Variants in ADGRL2 observed in about 807,000 individuals in gnomAD.
The protein encoded by ADGRL2 is calcium-independent alpha-latrotoxin receptor 2.
A neutral mutation model predicts 157.4 loss-of-function variants in ADGRL2; 44 were observed. The observed-to-expected ratio is 0.28, with a 90% confidence interval of 0.22 to 0.36. ADGRL2 has a LOEUF of 0.36. Among genes scored for constraint, ADGRL2 ranks in the 10% least tolerant of loss-of-function variants. The probability of loss-of-function intolerance (pLI) is 1.00; values close to 1 mark genes in which losing one functional copy is unlikely to be tolerated. For synonymous variants in ADGRL2, 585 were observed against 624.7 expected (o/e 0.94, Z 0.95); for missense variants, 1,510 against 1,768.9 (o/e 0.85, Z 2.63).
intron 1 of ADGRL2, among the ~76,000 whole-genome samples, chr1:81,359,419 C>G (rs2100899364): frequency 6.6e-6 from 1 of 152,050 alleles, no homozygotes; most frequent in African/African-American, 2.4e-5. Context: ...ACATCGCTAT[C>G]CCTAGAGGTA....
intron 2 of ADGRL2, among the ~76,000 whole-genome samples, chr1:81,853,304 T>C (rs1223229680): frequency 2.6e-5 from 4 of 152,178 alleles, no homozygotes; most frequent in Non-Finnish European, 4.4e-5. Context: ...GTTTTTTTAG[T>C]AAACAGCTTG....
At chr1:81,936,278 C>T (rs999706952) in intron 3 of ADGRL2, among the ~76,000 whole-genome samples, 2 of 151,744 alleles carry the variant, frequency 1.3e-5, no homozygotes, top group East Asian at 3.9e-4. Context: ...TCAAAAACTT[C>T]CTGCTGAGAA....
intron 2 of ADGRL2, among the ~76,000 whole-genome samples, chr1:81,521,588 A>G (rs747603415): frequency 6.6e-6 from 1 of 152,220 alleles, no homozygotes; most frequent in Non-Finnish European, 1.5e-5. Context: ...CTTTTTATAT[A>G]TAGCCATGAA....
At chr1:81,591,125 A>T (rs1481964931) in intron 3 of ADGRL2, among the ~76,000 whole-genome samples, 7 of 152,146 alleles carry the variant, frequency 4.6e-5, no homozygotes, top group African/African-American at 1.7e-4. Flanking sequence ...AGATCTGAGG[A>T]TTGTCTTATA....
intron 3 of ADGRL2, among the ~76,000 whole-genome samples, chr1:81,656,826 A>C (rs1337904084): frequency 6.6e-6 from 1 of 152,026 alleles, no homozygotes. Context: ...CCTGGGCAAC[A>C]TGGCAAAACC....
At chr1:81,670,896 G>C (rs1025879899) in intron 3 of ADGRL2, among the ~76,000 whole-genome samples, 12 of 152,158 alleles carry the variant, frequency 7.9e-5, no homozygotes, top group African/African-American at 2.7e-4. Context: ...TTTTTGTGGA[G>C]ACCAGGTTTT....
intron 1 of ADGRL2, among the ~76,000 whole-genome samples, chr1:81,398,595 GT>G (rs2076697354): frequency 1.3e-5 from 2 of 152,100 alleles, no homozygotes; most frequent in Non-Finnish European, 2.9e-5. Context: ...AATTCCCTCA[GT>G]TTTTGCTTGT....
rs1257932552 is a variant in ADGRL2, at chr1:81,801,045, C to A, written c.-124C>A. Among the ~76,000 whole-genome samples, 1 of 151,564 alleles carries A rather than the reference C, an allele frequency of 6.6e-6. No individual in the cohort carries two copies. The highest frequency in any genetic ancestry group is 1.5e-5 in the Non-Finnish European group (1 of 67,828). ...TCGGGCGGCTGCTTGGCCACCGCCA[C>A]CGCCGTCCGAAGGGCTCGAGCCCGT... On this transcript the variant is annotated 5_prime_UTR_variant, in exon 1 of 24. Transcript: ENST00000686636.
chr1:81,675,520 G>C (rs557756129), intron 3 of ADGRL2, among the ~76,000 whole-genome samples: 1 of 150,734 alleles, frequency 6.6e-6, no homozygotes, highest in East Asian at 2.0e-4. Context: ...CTGGGTTTTT[G>C]TTATTGTTTT....
At chr1:81,509,412 A>G (rs893648108) in intron 2 of ADGRL2, among the ~76,000 whole-genome samples, 14 of 151,440 alleles carry the variant, frequency 9.2e-5, no homozygotes, top group African/African-American at 3.4e-4. Context: ...TCCTTTTACC[A>G]CTCTATCTGC....
intron 1 of ADGRL2, among the ~76,000 whole-genome samples, chr1:81,353,353 T>C (rs1248440512): frequency 1.3e-5 from 2 of 152,132 alleles, no homozygotes; most frequent in African/African-American, 2.4e-5. Flanking sequence ...CAACCAGATT[T>C]GCTTGTTATC....
intron 2 of ADGRL2, among the ~76,000 whole-genome samples, chr1:81,525,611 C>A (rs779636341): frequency 1.3e-5 from 2 of 152,228 alleles, no homozygotes; most frequent in Non-Finnish European, 1.5e-5. Flanking sequence ...AGCCACCATA[C>A]CCTGCCTATA....
intron 3 of ADGRL2, among the ~76,000 whole-genome samples, chr1:81,595,539 A>G (rs1459328078): frequency 6.6e-6 from 1 of 152,228 alleles, no homozygotes; most frequent in Non-Finnish European, 1.5e-5. Context: ...CATGGCAGTC[A>G]ACCACATGCT....
chr1:81,391,527 C>T (rs1289636083), intron 1 of ADGRL2, among the ~76,000 whole-genome samples: 1 of 152,280 alleles, frequency 6.6e-6, no homozygotes, highest in Non-Finnish European at 1.5e-5. Context: ...CTATCTGTGG[C>T]TCACATATTT....
chr1:81,605,562 A>G (rs2081416089), intron 3 of ADGRL2, among the ~76,000 whole-genome samples: 1 of 152,218 alleles, frequency 6.6e-6, no homozygotes. Context: ...TCTTCATGGT[A>G]GAAGATAGCA....
intron 2 of ADGRL2, among the ~76,000 whole-genome samples, chr1:81,499,020 T>G (rs2148000411): frequency 6.6e-6 from 1 of 152,360 alleles, no homozygotes; most frequent in South Asian, 2.1e-4. Flanking sequence ...GATGCTCACC[T>G]GCAGTGGTTT....
At chr1:81,339,257 A>G (rs1401569146) in intron 1 of ADGRL2, among the ~76,000 whole-genome samples, 1 of 152,228 alleles carries the variant, frequency 6.6e-6, no homozygotes, top group Non-Finnish European at 1.5e-5. Flanking sequence ...ATAATTAAGG[A>G]AACAGCTTAA....
At chr1:81,791,565 C>T (rs1485440076) in intron 2 of ADGRL2, among the ~76,000 whole-genome samples, 1 of 151,384 alleles carries the variant, frequency 6.6e-6, no homozygotes, top group Non-Finnish European at 1.5e-5. Flanking sequence ...TCCACTCAAA[C>T]CTAATATAAT....
intron 3 of ADGRL2, among the ~76,000 whole-genome samples, chr1:81,598,149 A>G (rs1168246468): frequency 2.6e-5 from 4 of 152,182 alleles, no homozygotes; most frequent in African/African-American, 9.6e-5. Context: ...AGATGTTCAG[A>G]GTAAGCAGCT....
Sources: gnomAD v4.1 joint callset for allele counts (sites outside exome capture counted in the v4.1 genomes callset) on GRCh38, gnomAD v4.1.1 for gene constraint, MANE v1.5 for transcripts, NCBI Gene and HGNC (gene_info 2026-07-23, HGNC 2026-07-21) for gene names.